The following SMYD3 variants were observed in gnomAD, a reference collection of about 807,000 sequenced individuals.
The protein encoded by SMYD3 is SET and MYND domain containing 3, also known as histone-lysine N-methyltransferase SMYD3.
A neutral mutation model predicts 57.7 loss-of-function variants in SMYD3; 36 were observed. The observed-to-expected ratio is 0.62, with a 90% CI of 0.48 to 0.82. The LOEUF is 0.82. Among genes scored for constraint, SMYD3 ranks in the 40% least tolerant of loss-of-function variants. SMYD3 has a pLI of 0.00. For missense variants in SMYD3, 515 were observed against 538.8 expected (o/e 0.96, Z 0.44); for synonymous variants, 211 against 195.0 (o/e 1.08, Z -0.68).
intron 5 of SMYD3, among the ~76,000 whole-genome samples, chr1:246,260,513 C>T (rs1424442335): frequency 2.0e-5 from 3 of 151,990 alleles, no homozygotes; most frequent in African/African-American, 4.8e-5. Context: ...TGCAATGGCC[C>T]GACCTTGGCT....
chr1:246,148,327 G>A (rs891978156), intron 5 of SMYD3, among the ~76,000 whole-genome samples: 5 of 152,028 alleles, frequency 3.3e-5, no homozygotes, highest in South Asian at 4.2e-4. Flanking sequence ...ATGTCTGAAC[G>A]GCCTGCTTGT....
At chr1:245,980,920 G>C (rs572870669) in intron 5 of SMYD3, among the ~76,000 whole-genome samples, 25 of 152,294 alleles carry the variant, frequency 1.6e-4, no homozygotes, top group Non-Finnish European at 2.6e-4. Context: ...TGCCTTTCCA[G>C]TTATGTATTG....
intron 10 of SMYD3, among the ~76,000 whole-genome samples, chr1:245,806,882 A>G (rs1159918575): frequency 7.3e-6 from 1 of 137,848 alleles, no homozygotes; most frequent in Non-Finnish European, 1.5e-5. Context: ...TGCAGTCCGC[A>G]ATCCGGCCTG....
intron 5 of SMYD3, among the ~76,000 whole-genome samples, chr1:246,213,379 G>C (rs1020484184): frequency 5.3e-5 from 8 of 152,156 alleles, no homozygotes; most frequent in African/African-American, 1.9e-4. Context: ...TCATCCGCAA[G>C]AAGACAAAAC....
At chr1:245,939,169 AT>A (rs1412597116) in intron 5 of SMYD3, among the ~76,000 whole-genome samples, 3 of 144,966 alleles carry the variant, frequency 2.1e-5, no homozygotes, top group East Asian at 5.4e-4. Flanking sequence ...AAATAAAAAA[AT>A]TTAAAAAAAA....
intron 1 of SMYD3, among the ~76,000 whole-genome samples, chr1:246,438,273 GA>G (rs967693602): frequency 2.6e-4 from 39 of 152,214 alleles, no homozygotes; most frequent in African/African-American, 9.4e-4. Context: ...TTAACAATAG[GA>G]AAACAAAATC....
intron 11 of SMYD3, among the ~76,000 whole-genome samples, chr1:245,757,642 T>G (rs1192010272): frequency 6.6e-6 from 1 of 152,178 alleles, no homozygotes; most frequent in Non-Finnish European, 1.5e-5. Flanking sequence ...CTTTTGCATG[T>G]GGATATGCAG....
At chr1:245,939,503 T>C (rs544694538) in intron 5 of SMYD3, among the ~76,000 whole-genome samples, 9 of 152,208 alleles carry the variant, frequency 5.9e-5, no homozygotes, top group African/African-American at 2.2e-4. Context: ...GGCAGGTGTC[T>C]GTAGTCCAAG....
chr1:246,235,389 T>C (rs1334783796), intron 5 of SMYD3, among the ~76,000 whole-genome samples: 1 of 152,190 alleles, frequency 6.6e-6, no homozygotes, highest in African/African-American at 2.4e-5. Context: ...GTTGCAAAAG[T>C]GTTATTCATT....
chr1:246,155,267 G>GA (rs1354088095), intron 5 of SMYD3, among the ~76,000 whole-genome samples: 2 of 151,890 alleles, frequency 1.3e-5, no homozygotes, highest in African/African-American at 4.8e-5. Context: ...ACTTTAAAAA[G>GA]AAAAAAATAT....
At chr1:245,990,280 G>C (rs2058788758) in intron 5 of SMYD3, among the ~76,000 whole-genome samples, 1 of 152,074 alleles carries the variant, frequency 6.6e-6, no homozygotes, top group African/African-American at 2.4e-5. Context: ...GTAAAGACAG[G>C]GTCTCACTAT....
intron 11 of SMYD3, among the ~76,000 whole-genome samples, chr1:245,755,109 T>C (rs572248932): frequency 1.9e-4 from 29 of 152,318 alleles, no homozygotes; most frequent in African/African-American, 6.3e-4. Context: ...AGCTAAATAA[T>C]GAGACTGGAC....
At chr1:245,954,167 T>C (rs2057755907) in intron 5 of SMYD3, among the ~76,000 whole-genome samples, 1 of 152,244 alleles carries the variant, frequency 6.6e-6, no homozygotes, top group Non-Finnish European at 1.5e-5. Flanking sequence ...TATTTCTCCT[T>C]AGTCCTTATA....
chr1:246,105,584 A>G (rs1324030788), intron 5 of SMYD3, among the ~76,000 whole-genome samples: 3 of 152,226 alleles, frequency 2.0e-5, no homozygotes, highest in Non-Finnish European at 2.9e-5. Flanking sequence ...CAATTTGGAA[A>G]GAAAGACTAA....
chr1:246,122,463 A>C (rs910529059), intron 5 of SMYD3, among the ~76,000 whole-genome samples: 5 of 152,204 alleles, frequency 3.3e-5, no homozygotes, highest in Non-Finnish European at 7.3e-5. Flanking sequence ...TTCGTATATG[A>C]CAGAACTAAG....
chr1:245,807,589 C>T (rs1039585855), intron 10 of SMYD3, among the ~76,000 whole-genome samples: 34 of 152,164 alleles, frequency 2.2e-4, no homozygotes, highest in Middle Eastern at 3.4e-3. Flanking sequence ...AACTCAAAAC[C>T]GCACTCGAAA....
At chr1:246,290,246 T>C (rs561524436) in intron 5 of SMYD3, among the ~76,000 whole-genome samples, 2 of 152,208 alleles carry the variant, frequency 1.3e-5, no homozygotes, top group Non-Finnish European at 2.9e-5. Context: ...TAATAGTGAT[T>C]ATTATCCACT....
chr1:245,823,928 C>T (rs1006038600), intron 10 of SMYD3, among the ~76,000 whole-genome samples: 2 of 152,206 alleles, frequency 1.3e-5, no homozygotes, highest in Non-Finnish European at 2.9e-5. Context: ...GGGAGACCCA[C>T]GTGCTCCCGA....
intron 8 of SMYD3, among the ~76,000 whole-genome samples, chr1:245,897,015 C>T (rs1287395584): frequency 1.3e-5 from 2 of 152,192 alleles, no homozygotes; most frequent in African/African-American, 4.8e-5. Flanking sequence ...CATAAATTCC[C>T]TCCAGTAAAA....
Sources: gnomAD v4.1 joint callset for allele counts (sites outside exome capture counted in the v4.1 genomes callset) on GRCh38, gnomAD v4.1.1 for gene constraint, MANE v1.5 for transcripts, NCBI Gene and HGNC (gene_info 2026-07-23, HGNC 2026-07-21) for gene names.